HSPG2: variants seen among roughly 807,000 people sequenced by gnomAD.
The protein encoded by HSPG2 is heparan sulfate proteoglycan 2.
A neutral mutation model predicts 526.6 loss-of-function variants in HSPG2; 278 were observed. The ratio of observed to expected loss-of-function variants is 0.53; its 90% confidence interval spans 0.48 to 0.58. The LOEUF (loss-of-function observed/expected upper bound fraction) is 0.58. Ranked by LOEUF, HSPG2 falls within the 20% of genes least tolerant of loss-of-function variation. The pLI, the probability that HSPG2 is intolerant of heterozygous loss-of-function variation, is 0.00. For missense variants in HSPG2, 5,354 were observed against 6,099.5 expected (o/e 0.88, Z 4.07); for synonymous variants, 2,465 against 2,555.4 (o/e 0.96, Z 1.07).
chr1:21,842,795 C>T lies in HSPG2; in HGVS notation c.8885G>A (p.Gly2962Glu). The stretch of plus-strand genomic sequence containing the variant: ...CTGGTGCCGGGCGGGGAGGCTGCCC[C>T]CGCGCTTGTACCACGTGACCTGGGC... ...AHAQVTWYKR[G>E]GSLPARHQTH... is the part of the protein sequence containing the mutation. The change falls in exon 67 of 97, where the codon GGG becomes GAG. Residue 2962 changes from glycine to glutamate, a missense_variant. Coordinates refer to ENST00000374695, the MANE Select transcript of HSPG2 (RefSeq NM_005529.7). 6.2e-7 allele frequency: 1 copy of T among 1,613,532 alleles called. No homozygotes were observed. Among genetic ancestry groups the T allele is most frequent in the Non-Finnish European group, 8.5e-7 (1 of 1,180,024 alleles).
rs768053656 is a variant in HSPG2, at chr1:21,847,755, G to A, written c.7959C>T (p.Val2653=). The change falls in exon 61 of 97, where the codon GTC becomes GTT. Residue 2653 remains valine, a synonymous_variant. Transcript: ENST00000374695. This position sits in a 1 kb window ranked among gnomAD's most constrained non-coding sequence, Gnocchi z 4.1. ...TGATGATAGCCTGGGGCTGCCTGGC[G>A]ACCACGCAGTTCAGATCCAAGGTCT... ...EGQTLDLNCV[V]ARQPQAIITW... 4.3e-6 allele frequency: 7 copies of A among 1,613,078 alleles called. No homozygotes were observed. Among genetic ancestry groups the A allele is most frequent in the African/African-American group, 1.3e-5 (1 of 74,888 alleles).
At chr1:21,863,354 C>T (rs918549169) in intron 37 of HSPG2, among the ~76,000 whole-genome samples, 2 of 150,848 alleles carry the variant, frequency 1.3e-5, no homozygotes, top group Non-Finnish European at 2.9e-5. Flanking sequence ...GCCTGGGTGA[C>T]GGAGCGAGAC....
chr1:21,921,587 C>T (rs929629680), intron 1 of HSPG2, among the ~76,000 whole-genome samples: 1 of 152,190 alleles, frequency 6.6e-6, no homozygotes, highest in Non-Finnish European at 1.5e-5. Flanking sequence ...TCGGGTGCAA[C>T]CAGTGGTTAA....
Position 21,875,905 on chromosome 1 carries a change from G to A in HSPG2, c.3141C>T (p.Pro1047=). 6.2e-7 allele frequency: 1 copy of A among 1,614,148 alleles called. No individual in the cohort carries two copies. The change falls in exon 24 of 97, where the codon CCC becomes CCT. Residue 1047 remains proline (P), a synonymous_variant. Transcript: ENST00000374695. ...IILEHHVAQE[P]SPGQPSTFIV... is the part of the protein sequence containing the mutation. Reference sequence around the variant, plus strand: ...TGAAGGTGCTGGGCTGGCCGGGGCTGGGCTCCTGGGCCACATGGTGCTCTA... The same window carrying A: ...TGAAGGTGCTGGGCTGGCCGGGGCTAGGCTCCTGGGCCACATGGTGCTCTA...
Position 21,824,845 on chromosome 1 carries a change from CCT to C in HSPG2, c.12590-68_12590-67del, listed in dbSNP as rs1472135715. ...GGCATCAAAATCCCCCGTCAGTTCC[CCT>C]GACCCCCACCTCCACGCCAACATGC... is the stretch of plus-strand genomic sequence containing the variant. On this transcript the variant is annotated intron_variant, in intron 91 of 96. Transcript: ENST00000374695. The surrounding 1 kb of genome is among the most constrained non-coding windows in gnomAD (Gnocchi z 5.9). 4 of 1,426,096 alleles carry C rather than the reference CCT, an allele frequency of 2.8e-6. No homozygotes were observed. Among genetic ancestry groups the C allele is most frequent in the Non-Finnish European group, 3.9e-6 (4 of 1,030,040 alleles). 88.3% of individuals were successfully genotyped at this position (1,426,096 alleles called of 1,614,324 possible). A position where few individuals can be genotyped will look rare whatever the true frequency, so the allele number is the denominator to read the frequency against.
intron 1 of HSPG2, among the ~76,000 whole-genome samples, chr1:21,928,291 ATCT>A (rs1644257473): frequency 6.6e-6 from 1 of 152,236 alleles, no homozygotes; most frequent in East Asian, 1.9e-4. Context: ...CTTGTCCCAC[ATCT>A]TCTGGGGCCC....
intron 33 of HSPG2, chr1:21,869,672 C>T (rs1640495941): frequency 1.0e-6 from 1 of 985,926 alleles, no homozygotes; most frequent in Non-Finnish European, 1.2e-6. Context: ...ACCTGGGGGA[C>T]CAGGAGCCGA....
At position 21,848,968 on chromosome 1, in the gene HSPG2, G is replaced by C; in HGVS notation, c.7510C>G (p.Arg2504Gly). The stretch of plus-strand genomic sequence containing the variant: ...TGGGTACCTGAGCTGCCGACCACAC[G>C]GCACACGTACTCCCCTGAATCAGCT... Reference protein sequence around the residue: ...TPADSGEYVCRVVGSSGTQEA... With the variant: ...TPADSGEYVCGVVGSSGTQEA... Residue 2504 changes from arginine to glycine, a missense_variant, in exon 58 of 97, where the codon CGT becomes GGT. Coordinates refer to ENST00000374695, the MANE Select transcript of HSPG2 (RefSeq NM_005529.7). The surrounding 1 kb of genome is among the most constrained non-coding windows in gnomAD (Gnocchi z 4.9). 1 of 1,613,990 alleles carries C rather than the reference G, an allele frequency of 6.2e-7. No homozygotes were observed. The highest frequency in any genetic ancestry group is 8.5e-7 in the Non-Finnish European group (1 of 1,180,002).
chr1:21,879,416 G>A (rs183179799), intron 17 of HSPG2, among the ~76,000 whole-genome samples: 62 of 152,262 alleles, frequency 4.1e-4, no homozygotes, highest in African/African-American at 1.4e-3. Context: ...TCTTCTACCC[G>A]ACACCTTTGC....
At chr1:21,906,858 C>T (rs1027834523) in intron 1 of HSPG2, among the ~76,000 whole-genome samples, 5 of 152,150 alleles carry the variant, frequency 3.3e-5, no homozygotes, top group East Asian at 1.9e-4. Flanking sequence ...CCAACCATCC[C>T]GCCTTTCCCT....
chr1:21,907,303 GC>G (rs1643432411), intron 1 of HSPG2, among the ~76,000 whole-genome samples: 1 of 152,170 alleles, frequency 6.6e-6, no homozygotes, highest in Non-Finnish European at 1.5e-5. Context: ...GTAAGGGGGT[GC>G]TGGTGCTCTT....
Position 21,898,255 on chromosome 1 carries a change from C to T in HSPG2, c.64-1945G>A, listed in dbSNP as rs779193441. Among the ~76,000 whole-genome samples the T allele has an allele frequency of 2.0e-4, 30 of 152,112 alleles. No individual in the cohort carries two copies. Among genetic ancestry groups the T allele is most frequent in the Admixed American group, 9.2e-4 (14 of 15,280 alleles). ...TGCCATTTGTTCATCTTTGTGTTTGCGGTGCTCTCAGACCTTGGGGAAGGT... is the reference window on the plus strand; with the variant it reads ...TGCCATTTGTTCATCTTTGTGTTTGTGGTGCTCTCAGACCTTGGGGAAGGT... On this transcript the variant is annotated intron_variant, in intron 1 of 96. Transcript: ENST00000374695. This position sits in a 1 kb window ranked among gnomAD's most constrained non-coding sequence, Gnocchi z 4.0.
chr1:21,911,021 A>G (rs768009380), intron 1 of HSPG2, among the ~76,000 whole-genome samples: 32 of 152,294 alleles, frequency 2.1e-4, no homozygotes, highest in Middle Eastern at 3.4e-3. Flanking sequence ...ACATTGAAGA[A>G]AGGCAGTCGG....
chr1:21,825,662 A>C (rs1369445682), intron 91 of HSPG2, among the ~76,000 whole-genome samples: 2 of 152,244 alleles, frequency 1.3e-5, no homozygotes, highest in East Asian at 3.8e-4. Context: ...AGAACGGCTG[A>C]CATTTACCTA....
At chr1:21,852,559 G>C in intron 52 of HSPG2, 141 bp downstream of exon 52, 1 of 1,173,050 alleles carries the variant, frequency 8.5e-7, no homozygotes, top group Non-Finnish European at 1.3e-6. Flanking sequence ...ACTCTGACAG[G>C]TGGAGTCGGC....
chr1:21,879,289 A>G (rs1641326893), intron 17 of HSPG2, among the ~76,000 whole-genome samples, 168 bp from the exon 18 acceptor site: 3 of 152,122 alleles, frequency 2.0e-5, no homozygotes, highest in Admixed American at 2.0e-4. Context: ...GGAGCTCATC[A>G]TCTTACACGG....
chr1:21,885,284 C>T (rs949159931), intron 10 of HSPG2, 36 bp downstream of exon 10: 1 of 1,613,470 alleles, frequency 6.2e-7, no homozygotes, highest in Non-Finnish European at 8.5e-7. Flanking sequence ...AGAACCCAGC[C>T]CAGGGCCCGC....
rs780209338 is a variant in HSPG2 at position 21,854,821 on chromosome 1, A to C, written c.6133+27T>G. 2.0e-5 allele frequency: 33 copies of C among 1,612,604 alleles called. No individual in the cohort carries two copies. In the South Asian group the frequency reaches 3.3e-4, roughly 16 times the overall value. On this transcript the variant is annotated intron_variant, in intron 48 of 96. Coordinates refer to ENST00000374695, the MANE Select transcript of HSPG2 (RefSeq NM_005529.7). The stretch of plus-strand genomic sequence containing the variant: ...AGGGGAGCCCTGGCTTGCCCTCCCC[A>C]CCCCTCCATTCCCAGAGAGTCCGTA...
intron 1 of HSPG2, among the ~76,000 whole-genome samples, chr1:21,910,191 T>A (rs1643587855): frequency 6.6e-6 from 1 of 152,244 alleles, no homozygotes; most frequent in African/African-American, 2.4e-5. Context: ...CAATGGGGGC[T>A]ATTCTGGGCT....
Sources: gnomAD v4.1 joint callset for allele counts (sites outside exome capture counted in the v4.1 genomes callset) on GRCh38, gnomAD v4.1.1 for gene constraint, Gnocchi (gnomAD v3.1) non-coding constraint, MANE v1.5 for transcripts, NCBI Gene and HGNC (gene_info 2026-07-23, HGNC 2026-07-21) for gene names.